The following CACNA2D2 variants were observed in gnomAD, a reference collection of about 807,000 sequenced individuals.
The protein encoded by CACNA2D2 is calcium voltage-gated channel auxiliary subunit alpha2delta 2.
A neutral mutation model predicts 166.4 loss-of-function variants in CACNA2D2; 48 were observed. That is an observed-to-expected ratio of 0.29 (90% confidence interval 0.23 to 0.37). The LOEUF (loss-of-function observed/expected upper bound fraction) is 0.37, where lower values mean the gene tolerates loss of function less well. Ranked by LOEUF, CACNA2D2 falls within the 10% of genes least tolerant of loss-of-function variation. CACNA2D2 has a pLI of 1.00. For synonymous variants in CACNA2D2, 561 were observed against 573.7 expected (o/e 0.98, Z 0.32); for missense variants, 1,122 against 1,433.0 (o/e 0.78, Z 3.50).
intron 2 of CACNA2D2, among the ~76,000 whole-genome samples, chr3:50,474,354 C>T (rs913938746): frequency 6.6e-6 from 1 of 152,176 alleles, no homozygotes; most frequent in Non-Finnish European, 1.5e-5. Context: ...TTGCTGTTTT[C>T]ACCACTTCAT....
intron 1 of CACNA2D2, among the ~76,000 whole-genome samples, chr3:50,495,374 C>T (rs1341381665): frequency 6.6e-6 from 1 of 152,194 alleles, no homozygotes; most frequent in Non-Finnish European, 1.5e-5. Context: ...GCAGCACTGA[C>T]AACACACAGG....
At chr3:50,401,775 C>T (rs1706464403) in intron 3 of CACNA2D2, among the ~76,000 whole-genome samples, 1 of 152,016 alleles carries the variant, frequency 6.6e-6, no homozygotes, top group African/African-American at 2.4e-5. Flanking sequence ...GTGGTGCGAT[C>T]TGAGCTCAAT....
rs527891206 is a variant in CACNA2D2 at position 50,439,156 on chromosome 3, GAA to G, written c.289-4729_289-4728del. Among the ~76,000 whole-genome samples the G allele has an allele frequency of 3.0e-3, 454 of 152,290 alleles. 3 individuals carry two copies. The highest frequency in any genetic ancestry group is 0.01 in the African/African-American group (420 of 41,568). On this transcript the variant is annotated intron_variant, in intron 2 of 37. Transcript: ENST00000424201. ...CCTAAACTTGAAGGCAAAGCCATGG[GAA>G]AAGAGGCATAGGGATGAACTGGGCA...
intron 1 of CACNA2D2, among the ~76,000 whole-genome samples, chr3:50,483,415 C>T (rs1233752857): frequency 1.3e-5 from 2 of 152,222 alleles, no homozygotes; most frequent in Non-Finnish European, 2.9e-5. Flanking sequence ...CCAGATACTT[C>T]CTGGTCCTTC....
intron 15 of CACNA2D2, 21 bp from the exon 16 acceptor site, chr3:50,377,824 T>TG (rs1233653508): frequency 4.4e-6 from 7 of 1,605,704 alleles, no homozygotes; most frequent in Non-Finnish European, 6.0e-6. Context: ...AGGAAGATGA[T>TG]GGAGTCACCT....
At chr3:50,476,258 AC>A in intron 1 of CACNA2D2, 59 bp from the exon 2 acceptor site, 2 of 1,367,170 alleles carry the variant, frequency 1.5e-6, no homozygotes. Context: ...GCACAGCCCC[AC>A]CCCAGCCAAC....
intron 3 of CACNA2D2, among the ~76,000 whole-genome samples, chr3:50,412,694 T>G (rs879305396): frequency 3.3e-5 from 5 of 152,232 alleles, no homozygotes; most frequent in African/African-American, 7.2e-5. Context: ...TTTTATTTTT[T>G]TAGCTCGTTC....
chr3:50,462,405 T>C (rs895088385), intron 2 of CACNA2D2, among the ~76,000 whole-genome samples: 2 of 145,522 alleles, frequency 1.4e-5, no homozygotes, highest in Admixed American at 6.9e-5. Flanking sequence ...ATAATAATAA[T>C]AATAATAATA....
At chr3:50,371,058 A>T (rs1235081697) in intron 22 of CACNA2D2, among the ~76,000 whole-genome samples, 1 of 151,874 alleles carries the variant, frequency 6.6e-6, no homozygotes, top group Non-Finnish European at 1.5e-5. Flanking sequence ...CTGGGCTAGG[A>T]GGTGAAGGGA....
chr3:50,465,193 G>A (rs2107030096), intron 2 of CACNA2D2, among the ~76,000 whole-genome samples: 1 of 152,370 alleles, frequency 6.6e-6, no homozygotes, highest in East Asian at 1.9e-4. Flanking sequence ...GAACACAAAG[G>A]CAGCGATGGA....
intron 1 of CACNA2D2, among the ~76,000 whole-genome samples, chr3:50,499,959 C>T (rs546617714): frequency 1.3e-5 from 2 of 152,162 alleles, no homozygotes; most frequent in Non-Finnish European, 2.9e-5. Flanking sequence ...ACAGCAGCAG[C>T]GGCTGGGAAG....
At chr3:50,431,853 T>C (rs1262082240) in intron 3 of CACNA2D2, among the ~76,000 whole-genome samples, 1 of 151,342 alleles carries the variant, frequency 6.6e-6, no homozygotes, top group African/African-American at 2.4e-5. Flanking sequence ...GGCATGGTGG[T>C]GGGCGCCTGT....
At chr3:50,445,513 C>CA (rs915609091) in intron 2 of CACNA2D2, among the ~76,000 whole-genome samples, 2 of 152,186 alleles carry the variant, frequency 1.3e-5, no homozygotes, top group African/African-American at 4.8e-5. Context: ...CTCCTACTTC[C>CA]AATTTTTAGG....
chr3:50,429,047 T>C (rs562290177), intron 3 of CACNA2D2, among the ~76,000 whole-genome samples: 9 of 152,094 alleles, frequency 5.9e-5, no homozygotes, highest in South Asian at 2.1e-4. Context: ...CTGCGCAACA[T>C]AGCGAAACCC....
intron 22 of CACNA2D2, chr3:50,373,113 G>A (rs1474319961): frequency 2.6e-6 from 4 of 1,532,334 alleles, no homozygotes; most frequent in African/African-American, 1.4e-5. Context: ...GAGAGAAAGC[G>A]AGGAAAACAA....
Position 50,367,489 on chromosome 3 carries a change from T to C in CACNA2D2, c.2306A>G (p.Glu769Gly). Residue 769 changes from glutamate (E) to glycine (G), a missense_variant, in exon 27 of 38, where the codon GAG becomes GGG. This residue lies in a region of CACNA2D2 where 840 missense variants were observed against 1,166.8 expected (regional missense o/e 0.72). Coordinates refer to ENST00000424201, the MANE Select transcript of CACNA2D2 (RefSeq NM_006030.4). This position sits in a 1 kb window ranked among gnomAD's most constrained non-coding sequence, Gnocchi z 6.5. ...GGGCTCAGGGTTCTCTGTCCAGTCCTCAGCTGCCCTGGAGCACCCAAGAGG... is the reference window on the plus strand; with the variant it reads ...GGGCTCAGGGTTCTCTGTCCAGTCCCCAGCTGCCCTGGAGCACCCAAGAGG... ...ITRVFPNKAAEDWTENPEPFN... is the reference protein window; with the variant it reads ...ITRVFPNKAAGDWTENPEPFN... 1 of 1,613,880 alleles carries C rather than the reference T, an allele frequency of 6.2e-7. No homozygotes were observed. The highest frequency in any genetic ancestry group is 1.1e-5 in the South Asian group (1 of 91,066).
intron 5 of CACNA2D2, among the ~76,000 whole-genome samples, chr3:50,385,514 A>T (rs1165819118): frequency 6.6e-6 from 1 of 152,204 alleles, no homozygotes; most frequent in Non-Finnish European, 1.5e-5. Context: ...TGTCTGGGGA[A>T]AGGGTGACCG....
chr3:50,443,769 A>T (rs1708715693), intron 2 of CACNA2D2, among the ~76,000 whole-genome samples: 1 of 152,262 alleles, frequency 6.6e-6, no homozygotes, highest in Non-Finnish European at 1.5e-5. Flanking sequence ...TCGGATGTGT[A>T]AAATGGGTTA....
intron 3 of CACNA2D2, among the ~76,000 whole-genome samples, chr3:50,430,871 G>A (rs1373252302): frequency 6.6e-6 from 1 of 152,180 alleles, no homozygotes; most frequent in Non-Finnish European, 1.5e-5. Flanking sequence ...CTCTGAAGCT[G>A]AGGGCCCGGC....
Sources: allele counts gnomAD v4.1 joint callset (sites outside exome capture counted in the v4.1 genomes callset), GRCh38; gene constraint gnomAD v4.1.1; regional missense constraint gnomAD v4.1.1; non-coding constraint Gnocchi (gnomAD v3.1); transcripts MANE v1.5; gene names NCBI Gene and HGNC (gene_info 2026-07-23, HGNC 2026-07-21).